Variants in IGF1R observed in about 807,000 individuals in gnomAD.
The protein encoded by IGF1R is insulin like growth factor 1 receptor.
Under a neutral mutation model 144.6 loss-of-function variants are expected in IGF1R, and 44 were observed. The observed-to-expected ratio is 0.30, with a 90% CI of 0.24 to 0.39. The LOEUF is 0.39. Ranked by LOEUF, IGF1R falls within the 10% of genes least tolerant of loss-of-function variation. The pLI is 1.00. For missense variants in IGF1R, 1,355 were observed against 1,833.7 expected, an observed-to-expected ratio of 0.74 and a Z score of 4.77; for synonymous variants, 795 against 722.8, an observed-to-expected ratio of 1.10 and a Z score of -1.60.
chr15:98,916,352 C>G, intron 9 of IGF1R: 1 of 567,686 alleles, frequency 1.8e-6, no homozygotes, highest in South Asian at 2.0e-5. Flanking sequence ...ATTTCTGCCT[C>G]CCAGGTTCAA....
chr15:98,901,729 G>A (rs1487171573), intron 5 of IGF1R, among the ~76,000 whole-genome samples: 1 of 152,214 alleles, frequency 6.6e-6, no homozygotes, highest in Admixed American at 6.5e-5. Context: ...CCAGATACCT[G>A]AGAAGATCAG....
chr15:98,903,919 A>C (rs559843871), intron 5 of IGF1R, among the ~76,000 whole-genome samples: 1 of 152,344 alleles, frequency 6.6e-6, no homozygotes, highest in South Asian at 2.1e-4. Context: ...GATGGCTGCA[A>C]GGAAGAGGTG....
intron 19 of IGF1R, among the ~76,000 whole-genome samples, chr15:98,946,021 T>A (rs564697261): frequency 6.6e-6 from 1 of 151,850 alleles, no homozygotes; most frequent in Non-Finnish European, 1.5e-5. Flanking sequence ...ATGACGATGA[T>A]GACGATGACG....
At chr15:98,853,075 G>A (rs535420093) in intron 2 of IGF1R, among the ~76,000 whole-genome samples, 202 of 152,308 alleles carry the variant, frequency 1.3e-3, no homozygotes, top group Middle Eastern at 3.4e-3. Context: ...ATCTCTGGAA[G>A]GACTGGGTGG....
chr15:98,946,759 C>A (rs1000529438), intron 19 of IGF1R, among the ~76,000 whole-genome samples: 1 of 151,892 alleles, frequency 6.6e-6, no homozygotes, highest in African/African-American at 2.4e-5. Flanking sequence ...GCAGTTGGGC[C>A]GGGAGGGCCA....
At chr15:98,883,736 T>G (rs2141636466) in intron 2 of IGF1R, among the ~76,000 whole-genome samples, 1 of 152,314 alleles carries the variant, frequency 6.6e-6, no homozygotes, top group Non-Finnish European at 1.5e-5. Context: ...CCCTCTGCAG[T>G]CATTCATGGG....
intron 2 of IGF1R, among the ~76,000 whole-genome samples, chr15:98,742,378 G>T (rs2054765787): frequency 6.6e-6 from 1 of 152,190 alleles, no homozygotes; most frequent in African/African-American, 2.4e-5. Context: ...TAGCCAGCAG[G>T]AGTGGTGAGA....
chr15:98,812,638 G>A (rs1200863862), intron 2 of IGF1R, among the ~76,000 whole-genome samples: 1 of 152,130 alleles, frequency 6.6e-6, no homozygotes, highest in Non-Finnish European at 1.5e-5. Flanking sequence ...GATTACAGGC[G>A]TGAACCACCG....
At chr15:98,934,729 C>T (rs868227783) in intron 15 of IGF1R, 95 bp from the exon 16 acceptor site, 4 of 1,012,208 alleles carry the variant, frequency 4.0e-6, no homozygotes, top group East Asian at 2.5e-5. Flanking sequence ...TTTAAGGAAG[C>T]AGCATCTTAT....
chr15:98,844,303 T>G (rs999969897), intron 2 of IGF1R, among the ~76,000 whole-genome samples: 1 of 152,236 alleles, frequency 6.6e-6, no homozygotes, highest in Non-Finnish European at 1.5e-5. Context: ...TATCATAGTT[T>G]AGTTCAATCT....
intron 15 of IGF1R, among the ~76,000 whole-genome samples, chr15:98,932,150 C>G (rs1365334288): frequency 6.6e-6 from 1 of 152,128 alleles, no homozygotes; most frequent in Non-Finnish European, 1.5e-5. Context: ...ATTTTGTGTC[C>G]TTCTAGAATG....
Position 98,957,088 on chromosome 15 carries a change from G to A in IGF1R, c.3750G>A (p.Gln1250=), listed in dbSNP as rs2151737825. The stretch of plus-strand genomic sequence containing the variant: ...TTGAACTGATGCGCATGTGCTGGCA[G>A]TATAACCCCAAGATGAGGCCTTCCT... ...MLFELMRMCW[Q]YNPKMRPSFL... The change falls in exon 21 of 21, where the codon CAG becomes CAA. Residue 1250 remains glutamine, a synonymous_variant. Transcript: ENST00000650285. 1.2e-6 allele frequency: 2 copies of A among 1,614,226 alleles called. No individual in the cohort carries two copies. Among genetic ancestry groups the A allele is most frequent in the South Asian group, 1.1e-5 (1 of 91,086 alleles).
At chr15:98,719,682 G>C (rs556828317) in intron 2 of IGF1R, among the ~76,000 whole-genome samples, 3 of 152,268 alleles carry the variant, frequency 2.0e-5, no homozygotes, top group Admixed American at 2.0e-4. Context: ...GACGGCTGTC[G>C]TGCCTCCTGT....
intron 2 of IGF1R, among the ~76,000 whole-genome samples, chr15:98,725,160 T>C (rs768112836): frequency 3.6e-4 from 55 of 152,286 alleles, no homozygotes; most frequent in Non-Finnish European, 6.5e-4. Flanking sequence ...AATGAGGGGA[T>C]TCGTGCAGTT....
In IGF1R at chr15:98,959,139, G is replaced by A. The variant is rs948515343; in HGVS notation, c.*1697G>A. The stretch of plus-strand genomic sequence containing the variant: ...TCTTTGTTCAGTGTTTCCACTCACC[G>A]TGGTTGAGAAGCCTCACCCTCTCTT... On this transcript the variant is annotated 3_prime_UTR_variant, in exon 21 of 21. Coordinates refer to ENST00000650285, the MANE Select transcript of IGF1R (RefSeq NM_000875.5). The A allele has an allele frequency of 3.9e-5, 9 of 233,280 alleles. No homozygotes were observed. Among genetic ancestry groups the A allele is most frequent in the African/African-American group, 6.6e-5 (3 of 45,332 alleles). 14.5% of individuals were successfully genotyped at this position (233,280 alleles called of 1,614,324 possible). A position where few individuals can be genotyped will look rare whatever the true frequency, so the allele number is the denominator to read the frequency against.
intron 2 of IGF1R, among the ~76,000 whole-genome samples, chr15:98,763,147 G>A (rs2055349036): frequency 6.6e-6 from 1 of 151,912 alleles, no homozygotes; most frequent in Admixed American, 6.6e-5. Flanking sequence ...AATTTAAAAG[G>A]AAAAGACAAC....
At chr15:98,748,398 C>T (rs533531979) in intron 2 of IGF1R, among the ~76,000 whole-genome samples, 1 of 152,300 alleles carries the variant, frequency 6.6e-6, no homozygotes, top group African/African-American at 2.4e-5. Context: ...TGGTCTCAAA[C>T]TCCTGGCCTC....
chr15:98,935,492 C>T lies in IGF1R; in HGVS notation c.3297+66C>T, dbSNP rs1418821038. 16 of 904,850 alleles carry T rather than the reference C, an allele frequency of 1.8e-5. No homozygotes were observed. The Middle Eastern group carries it at 6.2e-4, about 35-fold the overall frequency. 56.1% of individuals were successfully genotyped at this position (904,850 alleles called of 1,614,324 possible). A position where few individuals can be genotyped will look rare whatever the true frequency, so the allele number is the denominator to read the frequency against. On this transcript the variant is annotated intron_variant, in intron 17 of 20. Transcript: ENST00000650285. The surrounding 1 kb of genome is among the most constrained non-coding windows in gnomAD (Gnocchi z 4.2). ...TGCTCTCTTTTCCTTTATAATCTCC[C>T]TGCAAGGAAATGCTGTGTCTTTAAA...
rs1220299281 is a variant in IGF1R, at chr15:98,950,470, G to T, written c.3722+1762G>T. On this transcript the variant is annotated intron_variant, in intron 20 of 20. Transcript: ENST00000650285. The stretch of plus-strand genomic sequence containing the variant: ...CAGGGACATCTTCAGGCTCCTTCAG[G>T]GTTCTGCACTTGCAGGACTGAGGTC... Among the ~76,000 whole-genome samples, 3 of 152,280 alleles carry T rather than the reference G, an allele frequency of 2.0e-5. No homozygotes were observed. In the East Asian group the frequency reaches 5.8e-4, roughly 29 times the overall value.
Sources: allele counts gnomAD v4.1 joint callset (sites outside exome capture counted in the v4.1 genomes callset), GRCh38; gene constraint gnomAD v4.1.1; non-coding constraint Gnocchi (gnomAD v3.1); transcripts MANE v1.5; gene names NCBI Gene and HGNC (gene_info 2026-07-23, HGNC 2026-07-21).